SYT1: variants seen among roughly 807,000 people sequenced by gnomAD.
The protein encoded by SYT1 is synaptotagmin-1.
In SYT1, 8 loss-of-function variants were observed where a neutral mutation model predicts 44.8. The observed-to-expected ratio is 0.18, with a 90% CI of 0.10 to 0.32. The LOEUF is 0.32. SYT1 is among the 10% of genes least tolerant of loss of function. The probability of loss-of-function intolerance (pLI) is 1.00; values close to 1 mark genes in which losing one functional copy is unlikely to be tolerated. For synonymous variants in SYT1, 154 were observed against 188.8 expected (o/e 0.82, Z 1.51); for missense variants, 286 against 509.3 (o/e 0.56, Z 4.22).
At chr12:79,435,808 C>T (rs2136187617) in intron 9 of SYT1, among the ~76,000 whole-genome samples, 1 of 152,268 alleles carries the variant, frequency 6.6e-6, no homozygotes, top group South Asian at 2.1e-4. Flanking sequence ...GTATGTTTAG[C>T]AGAATCCCTG....
chr12:79,277,688 G>A (rs898177892), intron 4 of SYT1, among the ~76,000 whole-genome samples: 2 of 152,040 alleles, frequency 1.3e-5, no homozygotes, highest in African/African-American at 4.8e-5. Context: ...GAATGTAAAT[G>A]TTCTAAATTC....
Position 79,449,468 on chromosome 12 carries a change from G to T in SYT1, c.*344G>T. ...ATGTTGTAAGCGTTTCCTAATCTGT[G>T]TATATCTAGATGTTTTTAATAAGAT... On this transcript the variant is annotated 3_prime_UTR_variant, in exon 11 of 11. Coordinates refer to ENST00000261205, the MANE Select transcript of SYT1 (RefSeq NM_005639.3). 4.3e-6 allele frequency: 1 copy of T among 232,276 alleles called. No individual in the cohort carries two copies. The highest frequency in any genetic ancestry group is 1.1e-4 in the East Asian group (1 of 8,900). 14.4% of individuals were successfully genotyped at this position (232,276 alleles called of 1,614,324 possible).
Position 79,285,990 on chromosome 12 carries a change from A to T in SYT1, c.351+19A>T, listed in dbSNP as rs757032226. The T allele has an allele frequency of 6.4e-7, 1 of 1,574,292 alleles. No individual in the cohort carries two copies. The highest frequency in any genetic ancestry group is 2.1e-5 in the Admixed American group (1 of 47,966). The stretch of plus-strand genomic sequence containing the variant: ...AGATCAGGTAATGTATTCTTTCTAC[A>T]TTTCTTCTTATTTTGTTTAAAAAAG... On this transcript the variant is annotated intron_variant, in intron 5 of 10. Transcript: ENST00000261205.
chr12:79,135,217 A>G (rs1869110870), intron 3 of SYT1, among the ~76,000 whole-genome samples: 1 of 151,790 alleles, frequency 6.6e-6, no homozygotes, highest in Non-Finnish European at 1.5e-5. Flanking sequence ...CTCGTCATTT[A>G]GCATTAGGTA....
At position 79,227,430 on chromosome 12, in the gene SYT1, G is replaced by A. The variant is rs181207333; in HGVS notation, c.166+9745G>A. On this transcript the variant is annotated intron_variant, in intron 4 of 10. Coordinates refer to ENST00000261205, the MANE Select transcript of SYT1 (RefSeq NM_005639.3). ...TGTCATCTGAATAGCTGTGATTAAG[G>A]CTTTGATATTCATGAGCTTCTTGAA... Among the ~76,000 whole-genome samples the A allele has an allele frequency of 2.9e-3, 444 of 152,182 alleles. 3 individuals are homozygous for A. Among genetic ancestry groups the A allele is most frequent in the African/African-American group, 0.01 (418 of 41,552 alleles).
At chr12:79,093,214 T>A (rs1877897626) in intron 3 of SYT1, among the ~76,000 whole-genome samples, 1 of 151,718 alleles carries the variant, frequency 6.6e-6, no homozygotes, top group Non-Finnish European at 1.5e-5. Flanking sequence ...TGCCCAAAAG[T>A]TAGTCTGAGG....
intron 3 of SYT1, among the ~76,000 whole-genome samples, chr12:79,075,633 A>G (rs902840818): frequency 2.6e-5 from 4 of 152,166 alleles, no homozygotes; most frequent in African/African-American, 9.7e-5. Flanking sequence ...TATTTGTAAA[A>G]TAAGAATATC....
intron 4 of SYT1, among the ~76,000 whole-genome samples, chr12:79,283,359 C>T (rs1181728289): frequency 6.6e-6 from 1 of 152,104 alleles, no homozygotes; most frequent in East Asian, 1.9e-4. Context: ...AAATTACTTT[C>T]AAGTTGCATT....
intron 1 of SYT1, among the ~76,000 whole-genome samples, chr12:78,880,966 G>GA (rs1238189785): frequency 6.6e-6 from 1 of 151,014 alleles, no homozygotes; most frequent in Non-Finnish European, 1.5e-5. Context: ...ATTATTGTAA[G>GA]AAAAAAAACA....
intron 3 of SYT1, among the ~76,000 whole-genome samples, chr12:79,130,355 C>G (rs1034353232): frequency 2.0e-5 from 3 of 152,144 alleles, no homozygotes; most frequent in African/African-American, 7.2e-5. Context: ...TAACTACCTT[C>G]TTAATATCAT....
intron 1 of SYT1, among the ~76,000 whole-genome samples, chr12:78,963,716 T>C (rs1270311187): frequency 6.6e-6 from 1 of 152,032 alleles, no homozygotes; most frequent in East Asian, 1.9e-4. Context: ...CCTTATATGC[T>C]CTTGGTGAAA....
At chr12:79,000,550 C>T (rs1265345685) in intron 2 of SYT1, among the ~76,000 whole-genome samples, 2 of 152,116 alleles carry the variant, frequency 1.3e-5, no homozygotes, top group Non-Finnish European at 2.9e-5. Flanking sequence ...CCACCCACCT[C>T]AGCCTTCCAA....
At chr12:78,968,635 T>C (rs965272414) in intron 1 of SYT1, among the ~76,000 whole-genome samples, 2 of 152,174 alleles carry the variant, frequency 1.3e-5, no homozygotes, top group African/African-American at 2.4e-5. Flanking sequence ...ACTGTATTCA[T>C]TAGTTCAACA....
intron 3 of SYT1, among the ~76,000 whole-genome samples, chr12:79,143,113 T>C (rs1373203681): frequency 2.0e-5 from 3 of 152,176 alleles, no homozygotes; most frequent in African/African-American, 7.2e-5. Flanking sequence ...TATACAGTTT[T>C]CTCTGATGAT....
intron 1 of SYT1, among the ~76,000 whole-genome samples, chr12:78,916,732 T>C (rs1249952588): frequency 1.3e-5 from 2 of 152,064 alleles, no homozygotes; most frequent in Non-Finnish European, 2.9e-5. Context: ...ATATTTAATA[T>C]TGAAACCATA....
intron 3 of SYT1, among the ~76,000 whole-genome samples, chr12:79,047,665 G>A (rs1874170940): frequency 6.6e-6 from 1 of 151,728 alleles, no homozygotes; most frequent in South Asian, 2.1e-4. Flanking sequence ...ACAGTAATAA[G>A]CTAGATGTAA....
intron 1 of SYT1, among the ~76,000 whole-genome samples, chr12:78,873,392 T>G (rs1329319239): frequency 2.0e-5 from 3 of 151,754 alleles, no homozygotes; most frequent in African/African-American, 7.2e-5. Flanking sequence ...ATACCATTAT[T>G]TCTTCTGTGA....
At chr12:79,105,752 C>T (rs564937762) in intron 3 of SYT1, among the ~76,000 whole-genome samples, 4 of 151,984 alleles carry the variant, frequency 2.6e-5, no homozygotes, top group Admixed American at 2.0e-4. Flanking sequence ...TGGTGGCGGG[C>T]GCCTGTAGTC....
In SYT1 at chr12:79,359,949, C is replaced by T. The variant is rs187440810; in HGVS notation, c.928+6330C>T. The stretch of plus-strand genomic sequence containing the variant: ...TATCAACATGTGATATTTTGCATAA[C>T]CCCATCAAAATCACCTAGGGTACTT... On this transcript the variant is annotated intron_variant, in intron 9 of 10. Coordinates refer to ENST00000261205, the MANE Select transcript of SYT1 (RefSeq NM_005639.3). Among the ~76,000 whole-genome samples, 10 of 152,172 alleles carry T rather than the reference C, an allele frequency of 6.6e-5. No homozygotes were observed. The East Asian group carries it at 1.9e-3, about 29-fold the overall frequency.
Sources: allele counts gnomAD v4.1 joint callset (sites outside exome capture counted in the v4.1 genomes callset), GRCh38; gene constraint gnomAD v4.1.1; transcripts MANE v1.5; gene names NCBI Gene and HGNC (gene_info 2026-07-23, HGNC 2026-07-21).